The following PLEKHG4B variants were observed in gnomAD, a reference collection of about 807,000 sequenced individuals.
The protein encoded by PLEKHG4B is pleckstrin homology domain-containing family G member 4B.
PLEKHG4B carries 111 observed loss-of-function variants against 121.3 expected under a neutral mutation model. The observed-to-expected ratio is 0.92, with a 90% CI of 0.78 to 1.07. The LOEUF (loss-of-function observed/expected upper bound fraction) is 1.07, where lower values mean the gene tolerates loss of function less well. Among genes scored for constraint, PLEKHG4B ranks in the 50% least tolerant of loss-of-function variants. The pLI is 0.00. For synonymous variants in PLEKHG4B, 738 were observed against 725.0 expected (o/e 1.02, Z -0.29); for missense variants, 1,831 against 1,757.8 (o/e 1.04, Z -0.74).
chr5:171,871 C>T (rs551582468), intron 16 of PLEKHG4B, among the ~76,000 whole-genome samples: 11 of 152,328 alleles, frequency 7.2e-5, no homozygotes, highest in Admixed American at 5.9e-4. Flanking sequence ...CATACGGGCC[C>T]GCGGCAGCTC....
Position 133,941 on chromosome 5 carries a change from C to CACACACACACACACACACACAT in PLEKHG4B, c.244-5541_244-5540insCACACACACACACACACACATA, listed in dbSNP as rs34900477. ...ACACACGCACACACACACACACACA[C>CACACACACACACACACACACAT]ATATATATATGGTGGAATATATATA... On this transcript the variant is annotated intron_variant, in intron 2 of 19. Transcript: ENST00000637938. 2.5e-4 allele frequency among the ~76,000 whole-genome samples: 37 copies of CACACACACACACACACACACAT among 146,352 alleles called. 1 individual carries two copies. Among genetic ancestry groups the CACACACACACACACACACACAT allele is most frequent in the African/African-American group, 8.7e-4 (34 of 39,172 alleles).
chr5:141,891 A>G (rs1339389419), intron 3 of PLEKHG4B, among the ~76,000 whole-genome samples: 3 of 152,094 alleles, frequency 2.0e-5, no homozygotes, highest in Non-Finnish European at 4.4e-5. Context: ...CGGTGCCTGG[A>G]GACAGCCACG....
chr5:109,470 A>AC lies in PLEKHG4B; in HGVS notation c.46-3778dup, dbSNP rs200949219. Among the ~76,000 whole-genome samples, 1,384 of 148,552 alleles carry AC rather than the reference A, an allele frequency of 9.3e-3. 18 individuals carry two copies. The highest frequency in any genetic ancestry group is 0.033 in the African/African-American group (1,299 of 39,152). On this transcript the variant is annotated intron_variant, in intron 1 of 19. Coordinates refer to ENST00000637938, the MANE Select transcript of PLEKHG4B (RefSeq NM_052909.5). ...GCAGTGAATTAAAAGTACCTCCCAT[A>AC]CCCACCCCCAGGTGCCACACCCTGG...
At chr5:167,828 C>G (rs1271692924) in intron 13 of PLEKHG4B, among the ~76,000 whole-genome samples, 1 of 152,258 alleles carries the variant, frequency 6.6e-6, no homozygotes, top group Non-Finnish European at 1.5e-5. Flanking sequence ...GAAACAGAGC[C>G]ACCAGCCTAA....
At chr5:108,611 G>A (rs36106518) in intron 1 of PLEKHG4B, among the ~76,000 whole-genome samples, 966 of 110,742 alleles carry the variant, frequency 8.7e-3, no homozygotes, top group African/African-American at 0.038. Flanking sequence ...AGACAGACTG[G>A]GTGCAGATGG....
At chr5:92,603 C>T (rs1287706269) in intron 1 of PLEKHG4B, among the ~76,000 whole-genome samples, 4 of 151,176 alleles carry the variant, frequency 2.6e-5, no homozygotes, top group Non-Finnish European at 4.4e-5. Flanking sequence ...TGGGACCTGC[C>T]GGCGGCTGCT....
Position 113,332 on chromosome 5 carries a change from C to G in PLEKHG4B, c.127C>G (p.Leu43Val), listed in dbSNP as rs1734212567. The change falls in exon 2 of 20, where the codon CTC becomes GTC. Residue 43 changes from leucine to valine, a missense_variant. Leu to Val is a conservative substitution (Grantham distance 32). Transcript: ENST00000637938. The surrounding 1 kb of genome is among the most constrained non-coding windows in gnomAD (Gnocchi z 5.2). ...GTTTGAAGCCACGGCAGCCACGGTGCTCTGGCAGCTGTTCAGCGTGGCCGA... is the reference window on the plus strand; with the variant it reads ...GTTTGAAGCCACGGCAGCCACGGTGGTCTGGCAGCTGTTCAGCGTGGCCGA... ...PPFEATAATV[L>V]WQLFSVAERC... 2.5e-6 allele frequency: 1 copy of G among 399,040 alleles called. No individual in the cohort carries two copies. The highest frequency in any genetic ancestry group is 2.1e-5 in the African/African-American group (1 of 48,642). The allele number at this position is 399,040 out of a possible 1,614,324, so 24.7% of individuals were successfully genotyped here. A position where few individuals can be genotyped will look rare whatever the true frequency, so the allele number is the denominator to read the frequency against.
chr5:152,143 C>T (rs574026972), intron 7 of PLEKHG4B, among the ~76,000 whole-genome samples: 4 of 151,552 alleles, frequency 2.6e-5, no homozygotes, highest in South Asian at 4.2e-4. Flanking sequence ...TAGGCTTGAA[C>T]GTTAAATTTG....
Position 181,665 on chromosome 5 carries a change from C to G in PLEKHG4B, c.4554C>G (p.Val1518=). The part of the protein sequence containing the change: ...VMSDRVPDSI[V]KGTESQMRGS... ...GCGACCGAGTCCCCGACAGCATCGT[C>G]AAGGGCACAGGTACGGTGGCTCGGT... Residue 1518 remains valine (V), a synonymous_variant, in exon 19 of 20, where the codon GTC becomes GTG. Coordinates refer to ENST00000637938, the MANE Select transcript of PLEKHG4B (RefSeq NM_052909.5). 6.2e-7 allele frequency: 1 copy of G among 1,613,204 alleles called. No homozygotes were observed. The highest frequency in any genetic ancestry group is 8.5e-7 in the Non-Finnish European group (1 of 1,179,656).
chr5:171,225 G>A lies in PLEKHG4B; in HGVS notation c.3831G>A (p.Arg1277=), dbSNP rs1332560955. The change falls in exon 16 of 20, where the codon CGG becomes CGA. Residue 1277 remains arginine, a synonymous_variant. Coordinates refer to ENST00000637938, the MANE Select transcript of PLEKHG4B (RefSeq NM_052909.5). The stretch of plus-strand genomic sequence containing the variant: ...CCCGGCCCTTGCAGGACAAGCAGCG[G>A]GAGCTAGGTGACAAAATGGACCTGG... ...HGNAFFKDKQ[R]ELGDKMDLAS... 3 of 1,605,766 alleles carry A rather than the reference G, an allele frequency of 1.9e-6. No homozygotes were observed. Among genetic ancestry groups the A allele is most frequent in the Middle Eastern group, 1.7e-4 (1 of 6,042 alleles).
intron 2 of PLEKHG4B, among the ~76,000 whole-genome samples, chr5:114,097 T>C (rs1365276961): frequency 5.3e-5 from 8 of 152,354 alleles, no homozygotes. Context: ...TCAAAAATGC[T>C]AATGATTATC....
intron 7 of PLEKHG4B, among the ~76,000 whole-genome samples, chr5:153,671 T>C (rs909460620): frequency 2.0e-4 from 30 of 152,302 alleles, no homozygotes; most frequent in African/African-American, 7.0e-4. Context: ...ATTTTCTTAT[T>C]GTTTTTATAT....
rs143295530 is a variant in PLEKHG4B at position 122,294 on chromosome 5, A to G, written c.243+8846A>G. ...TGATAGATTTGATTCAACCATATCA[A>G]TAATTATTTTAAATGTAAACCAAAC... is the stretch of plus-strand genomic sequence containing the variant. On this transcript the variant is annotated intron_variant, in intron 2 of 19. Coordinates refer to ENST00000637938, the MANE Select transcript of PLEKHG4B (RefSeq NM_052909.5). Among the ~76,000 whole-genome samples, 1,276 of 152,338 alleles carry G rather than the reference A, an allele frequency of 8.4e-3. 24 individuals are homozygous for G. Among genetic ancestry groups the G allele is most frequent in the African/African-American group, 0.029 (1,211 of 41,588 alleles).
rs1298673106 is a variant in PLEKHG4B at position 157,171 on chromosome 5, C to G, written c.2487+260C>G. 1.2e-5 allele frequency: 6 copies of G among 498,026 alleles called. No homozygotes were observed. The highest frequency in any genetic ancestry group is 3.9e-5 in the African/African-American group (2 of 51,376). 30.9% of individuals were successfully genotyped at this position (498,026 alleles called of 1,614,324 possible). On this transcript the variant is annotated intron_variant, in intron 11 of 19. Transcript: ENST00000637938. This position sits in a 1 kb window ranked among gnomAD's most constrained non-coding sequence, Gnocchi z 4.6. ...GGCCAGGGAGAAAAATAATTTCACACTGTGCCTTCTGATGCTACCAGTGTG... is the reference window on the plus strand; with the variant it reads ...GGCCAGGGAGAAAAATAATTTCACAGTGTGCCTTCTGATGCTACCAGTGTG...
At chr5:151,715 G>T in intron 7 of PLEKHG4B, 116 bp downstream of exon 7, 5 of 649,540 alleles carry the variant, frequency 7.7e-6, no homozygotes, top group South Asian at 6.5e-5. Flanking sequence ...CCATGTGGGA[G>T]CCTGGAAACC....
chr5:126,768 G>A (rs1579260542), intron 2 of PLEKHG4B, among the ~76,000 whole-genome samples: 1 of 152,264 alleles, frequency 6.6e-6, no homozygotes, highest in East Asian at 1.9e-4. Context: ...TGAGGAGTGA[G>A]TTTAGGAGTG....
intron 8 of PLEKHG4B, 68 bp downstream of exon 8, chr5:155,059 T>G (rs1735727543): frequency 7.3e-7 from 1 of 1,363,952 alleles, no homozygotes; most frequent in African/African-American, 1.4e-5. Context: ...TGGTTGTTTT[T>G]ACTAGAATTT....
At position 143,025 on chromosome 5, in the gene PLEKHG4B, A is replaced by T. The variant is rs769984297; in HGVS notation, c.1478-22A>T. ...GCGCAGGAAAACCTTCATCTTTGACACGGCCTCTTTCCTTTGTCCAGACGT... is the reference window on the plus strand; with the variant it reads ...GCGCAGGAAAACCTTCATCTTTGACTCGGCCTCTTTCCTTTGTCCAGACGT... On this transcript the variant is annotated intron_variant, in intron 3 of 19. Coordinates refer to ENST00000637938, the MANE Select transcript of PLEKHG4B (RefSeq NM_052909.5). 3.1e-6 allele frequency: 5 copies of T among 1,607,492 alleles called. No homozygotes were observed. In the East Asian group the frequency reaches 6.7e-5, roughly 22 times the overall value.
At chr5:117,712 G>C (rs533087331) in intron 2 of PLEKHG4B, among the ~76,000 whole-genome samples, 2 of 152,150 alleles carry the variant, frequency 1.3e-5, no homozygotes, top group Non-Finnish European at 2.9e-5. Context: ...AGTTAGCCGG[G>C]CGTGGTGGCA....
Sources: gnomAD v4.1 joint callset for allele counts (sites outside exome capture counted in the v4.1 genomes callset) on GRCh38, gnomAD v4.1.1 for gene constraint, Gnocchi (gnomAD v3.1) non-coding constraint, MANE v1.5 for transcripts, NCBI Gene and HGNC (gene_info 2026-07-23, HGNC 2026-07-21) for gene names.